MLLT3: variants seen among roughly 807,000 people sequenced by gnomAD.
MLLT3 encodes the protein protein AF-9.
A neutral mutation model predicts 53.2 loss-of-function variants in MLLT3; 4 were observed. The ratio of observed to expected loss-of-function variants is 0.08; its 90% CI spans 0.04 to 0.17. The LOEUF (loss-of-function observed/expected upper bound fraction) is 0.17, where lower values mean the gene tolerates loss of function less well. Ranked by LOEUF, MLLT3 falls within the 10% of genes least tolerant of loss-of-function variation. The pLI is 1.00. For synonymous variants in MLLT3, 283 were observed against 230.6 expected (o/e 1.23, Z -2.06); for missense variants, 569 against 684.0 (o/e 0.83, Z 1.87).
intron 10 of MLLT3, among the ~76,000 whole-genome samples, chr9:20,348,737 G>A (rs929047112): frequency 1.3e-5 from 2 of 152,126 alleles, no homozygotes; most frequent in African/African-American, 4.8e-5. Context: ...TATCCAACAA[G>A]ATCTTATTAA....
At chr9:20,552,747 T>C (rs2119029910) in intron 2 of MLLT3, among the ~76,000 whole-genome samples, 1 of 152,286 alleles carries the variant, frequency 6.6e-6, no homozygotes, top group East Asian at 1.9e-4. Context: ...ACCTTAGATT[T>C]ACTTAGGAAA....
intron 2 of MLLT3, among the ~76,000 whole-genome samples, chr9:20,600,431 C>T (rs1434696665): frequency 6.6e-6 from 1 of 152,184 alleles, no homozygotes; most frequent in African/African-American, 2.4e-5. Flanking sequence ...AATACAACCC[C>T]TTCCTTAACC....
intron 2 of MLLT3, chr9:20,532,733 T>C (rs1281006166): frequency 1.1e-5 from 3 of 266,950 alleles, no homozygotes; most frequent in Non-Finnish European, 2.1e-5. Context: ...CCCCACTATA[T>C]CAGGTTGCAG....
At chr9:20,534,541 G>A (rs1274876338) in intron 2 of MLLT3, among the ~76,000 whole-genome samples, 6 of 152,150 alleles carry the variant, frequency 3.9e-5, no homozygotes, top group African/African-American at 1.4e-4. Flanking sequence ...ACAGAACACT[G>A]TGTTCTAACT....
chr9:20,600,151 A>AC (rs1347808116), intron 2 of MLLT3, among the ~76,000 whole-genome samples: 5 of 151,554 alleles, frequency 3.3e-5, no homozygotes, highest in Admixed American at 6.6e-5. Context: ...AAAACAAAAA[A>AC]AAAACACTTA....
intron 5 of MLLT3, among the ~76,000 whole-genome samples, chr9:20,381,444 C>T (rs893087459): frequency 7.0e-6 from 1 of 143,838 alleles, no homozygotes; most frequent in African/African-American, 2.7e-5. Flanking sequence ...GAACTTATTG[C>T]CTATGTGTAA....
chr9:20,478,121 T>G (rs576664523), intron 2 of MLLT3, among the ~76,000 whole-genome samples: 2 of 151,580 alleles, frequency 1.3e-5, no homozygotes, highest in African/African-American at 4.8e-5. Context: ...TGACAAGAAC[T>G]TGGGTAGATC....
chr9:20,414,071 T>G lies in MLLT3; in HGVS notation c.775A>C (p.Met259Leu). 1 of 1,613,862 alleles carries G rather than the reference T, an allele frequency of 6.2e-7. No homozygotes were observed. The change falls in exon 5 of 11, where the codon ATG becomes CTG. Residue 259 changes from methionine (M) to leucine (L), a missense_variant. Physicochemically the swap from Met to Leu is conservative, Grantham distance 15. Around this residue, in one of 5 missense-constraint regions of MLLT3, gnomAD observed 437 missense variants for 376.5 expected, o/e 1.16. Transcript: ENST00000380338. ...CTATCTGGTTTTGGCTCTTTTGACA[T>G]GGGTTTAGGTTCCTTGAAGGCCATC... ...PKMAFKEPKP[M>L]SKEPKPDSNL...
chr9:20,601,951 G>C (rs1472959647), intron 2 of MLLT3, among the ~76,000 whole-genome samples: 2 of 152,050 alleles, frequency 1.3e-5, no homozygotes, highest in Non-Finnish European at 2.9e-5. Context: ...TGTCCACCGG[G>C]CTTCAAAGCT....
At chr9:20,562,593 G>C (rs978816438) in intron 2 of MLLT3, among the ~76,000 whole-genome samples, 1 of 152,094 alleles carries the variant, frequency 6.6e-6, no homozygotes, top group African/African-American at 2.4e-5. Flanking sequence ...TGCAAAAAAA[G>C]AGTGACAAGA....
chr9:20,597,880 C>T (rs1820317190), intron 2 of MLLT3, among the ~76,000 whole-genome samples: 1 of 152,054 alleles, frequency 6.6e-6, no homozygotes, highest in African/African-American at 2.4e-5. Context: ...AATTTTTTTC[C>T]AAATAGTTCT....
chr9:20,390,351 G>C (rs544605262), intron 5 of MLLT3, among the ~76,000 whole-genome samples: 1 of 152,180 alleles, frequency 6.6e-6, no homozygotes, highest in East Asian at 1.9e-4. Context: ...CCGAAAAAGA[G>C]AAAGTAGCAC....
chr9:20,491,439 C>T (rs1824944566), intron 2 of MLLT3, among the ~76,000 whole-genome samples: 1 of 151,704 alleles, frequency 6.6e-6, no homozygotes, highest in South Asian at 2.1e-4. Context: ...CAGATAAACG[C>T]AATAATATAG....
At position 20,458,907 on chromosome 9, in the gene MLLT3, T is replaced by C. The variant is rs549604997; in HGVS notation, c.194-2121A>G. ...CTAAACATAAAACACCCAATTGCCATGTAGCCTTTTGGATGAAAATAAACA... is the reference window on the plus strand; with the variant it reads ...CTAAACATAAAACACCCAATTGCCACGTAGCCTTTTGGATGAAAATAAACA... On this transcript the variant is annotated intron_variant, in intron 2 of 10. Transcript: ENST00000380338. 5.3e-5 allele frequency among the ~76,000 whole-genome samples: 8 copies of C among 152,248 alleles called. No homozygotes were observed. In the South Asian group the frequency reaches 1.0e-3, roughly 20 times the overall value.
chr9:20,620,775 G>T lies in MLLT3; in HGVS notation c.72C>A (p.Thr24=), dbSNP rs775745897. ...TCCAGTCGTGGGTGAAGCCCTCCAC[G>T]GTGGGTTTTTTCCTCACCTGGGCGC... ...GHRAQVRKKP[T]VEGFTHDWMV... is the part of the protein sequence containing the mutation. Residue 24 remains threonine (T), a synonymous_variant, in exon 2 of 11, where the codon ACC becomes ACA. Coordinates refer to ENST00000380338, the MANE Select transcript of MLLT3 (RefSeq NM_004529.4). This position sits in a 1 kb window ranked among gnomAD's most constrained non-coding sequence, Gnocchi z 6.1. The T allele has an allele frequency of 6.2e-7, 1 of 1,614,016 alleles. No homozygotes were observed. Among genetic ancestry groups the T allele is most frequent in the Non-Finnish European group, 8.5e-7 (1 of 1,180,034 alleles).
At chr9:20,434,810 T>C (rs1823362974) in intron 4 of MLLT3, among the ~76,000 whole-genome samples, 1 of 151,550 alleles carries the variant, frequency 6.6e-6, no homozygotes, top group Non-Finnish European at 1.5e-5. Flanking sequence ...CTTCAGTTCA[T>C]CTCCTCTCAA....
intron 2 of MLLT3, among the ~76,000 whole-genome samples, chr9:20,599,208 A>T (rs1045594665): frequency 6.6e-6 from 1 of 151,850 alleles, no homozygotes; most frequent in East Asian, 1.9e-4. Context: ...GGAAGCTGAG[A>T]CAGGAGAATC....
intron 2 of MLLT3, among the ~76,000 whole-genome samples, chr9:20,489,672 C>G (rs1389937421): frequency 1.3e-5 from 2 of 152,116 alleles, no homozygotes; most frequent in African/African-American, 4.8e-5. Context: ...GCTAAGAGTA[C>G]CTAAAATTCC....
chr9:20,378,589 A>G (rs1821833004), intron 5 of MLLT3, among the ~76,000 whole-genome samples: 1 of 152,062 alleles, frequency 6.6e-6, no homozygotes, highest in Non-Finnish European at 1.5e-5. Context: ...TAATCCCCCT[A>G]GAAGTTTGAA....
Sources: gnomAD v4.1 joint callset for allele counts (sites outside exome capture counted in the v4.1 genomes callset) on GRCh38, gnomAD v4.1.1 for gene constraint, gnomAD v4.1.1 regional missense constraint, Gnocchi (gnomAD v3.1) non-coding constraint, MANE v1.5 for transcripts, NCBI Gene and HGNC (gene_info 2026-07-23, HGNC 2026-07-21) for gene names.